The following EMSY variants were observed in gnomAD, a reference collection of about 807,000 sequenced individuals.
The protein encoded by EMSY is BRCA2-interacting transcriptional repressor EMSY.
Under a neutral mutation model 134.6 loss-of-function variants are expected in EMSY, and 26 were observed. The observed-to-expected ratio is 0.19, with a 90% CI of 0.14 to 0.27. The LOEUF is 0.27. Among genes scored for constraint, EMSY ranks in the 10% least tolerant of loss-of-function variants. The probability of loss-of-function intolerance (pLI) is 1.00; values close to 1 mark genes in which losing one functional copy is unlikely to be tolerated. For missense variants in EMSY, 1,305 were observed against 1,611.4 expected, an observed-to-expected ratio of 0.81 and a Z score of 3.26; for synonymous variants, 579 against 577.8, an observed-to-expected ratio of 1.00 and a Z score of -0.03.
At chr11:76,481,623 G>A (rs776534672) in intron 8 of EMSY, among the ~76,000 whole-genome samples, 1 of 152,218 alleles carries the variant, frequency 6.6e-6, no homozygotes, top group Non-Finnish European at 1.5e-5. Flanking sequence ...TATAAAGAAA[G>A]CCACCAGGAA....
At chr11:76,458,390 T>C in intron 5 of EMSY, 32 bp downstream of exon 6, 1 of 1,509,152 alleles carries the variant, frequency 6.6e-7, no homozygotes, top group Non-Finnish European at 8.9e-7. Context: ...TGTTAGAGAT[T>C]ACTTTTCTTA....
chr11:76,511,249 G>A (rs1305947813), intron 9 of EMSY, among the ~76,000 whole-genome samples: 1 of 151,690 alleles, frequency 6.6e-6, no homozygotes, highest in Non-Finnish European at 1.5e-5. Flanking sequence ...TCTTTTCTGG[G>A]GTCAATATTG....
At position 76,482,765 on chromosome 11, in the gene EMSY, C is replaced by G. The variant is rs1395488256; in HGVS notation, c.1108+9925C>G. ...TATGGGACTATGTGAAAAGACCAAA[C>G]CTGCGTTTGATTGGTTTACCTGAAA... On this transcript the variant is annotated intron_variant, in intron 8 of 20. Coordinates refer to ENST00000334736, the Ensembl canonical transcript of EMSY. Among the ~76,000 whole-genome samples the G allele has an allele frequency of 2.6e-5, 4 of 152,230 alleles. No individual in the cohort carries two copies. The South Asian group carries it at 8.3e-4, about 32-fold the overall frequency.
chr11:76,493,778 G>C (rs1949517968), intron 8 of EMSY, among the ~76,000 whole-genome samples: 1 of 152,188 alleles, frequency 6.6e-6, no homozygotes, highest in Non-Finnish European at 1.5e-5. Context: ...CCAGTTGTCC[G>C]AGTACTTCAT....
exon 21 of EMSY, chr11:76,550,920 C>T (rs1951819361): frequency 1.3e-5 from 2 of 152,644 alleles, no homozygotes; most frequent in Non-Finnish European, 2.9e-5. Flanking sequence ...TTCCCTCTTC[C>T]TTTAAGAAAA....
At chr11:76,525,431 C>T (rs1197744967) in intron 12 of EMSY, among the ~76,000 whole-genome samples, 1 of 152,148 alleles carries the variant, frequency 6.6e-6, no homozygotes, top group East Asian at 1.9e-4. Context: ...TTTTTACTGG[C>T]TGCTAAGTTT....
intron 12 of EMSY, among the ~76,000 whole-genome samples, chr11:76,524,178 C>T (rs1031978772): frequency 2.6e-5 from 4 of 152,174 alleles, no homozygotes; most frequent in Non-Finnish European, 5.9e-5. Context: ...GGGTGACATA[C>T]TCAACCTCTC....
intron 8 of EMSY, among the ~76,000 whole-genome samples, chr11:76,494,654 CCTTCCTTCCTTCCTTCCTTCCTTCCTT>C (rs1949558654): frequency 1.9e-3 from 4 of 2,102 alleles, no homozygotes; most frequent in African/African-American, 2.2e-3. Context: ...CCTTTCCCTT[CCTTCCTTCCTTCCTTCCTTCCTTCCTT>C]CCTTCCTTCC....
At chr11:76,536,716 A>C (rs1483693609) in intron 15 of EMSY, among the ~76,000 whole-genome samples, 1 of 152,322 alleles carries the variant, frequency 6.6e-6, no homozygotes, top group Non-Finnish European at 1.5e-5. Flanking sequence ...AGATTTTCAG[A>C]GTATTTAAAT....
chr11:76,532,575 A>G (rs956505825), intron 14 of EMSY, among the ~76,000 whole-genome samples: 1 of 152,106 alleles, frequency 6.6e-6, no homozygotes, highest in Non-Finnish European at 1.5e-5. Context: ...GGAATGGGGT[A>G]GCCTAGAACG....
chr11:76,488,122 T>C (rs184195798), intron 8 of EMSY, among the ~76,000 whole-genome samples: 30 of 152,386 alleles, frequency 2.0e-4, no homozygotes, highest in African/African-American at 7.2e-4. Flanking sequence ...TTAATGTCTT[T>C]GTTTCAGTGA....
At chr11:76,464,207 CTTTG>C in intron 7 of EMSY, 127 bp downstream of exon 8, 1 of 1,193,336 alleles carries the variant, frequency 8.4e-7, no homozygotes, top group Non-Finnish European at 1.2e-6. Context: ...ACATCTTTTA[CTTTG>C]TTTAATTTTC....
chr11:76,478,993 T>C (rs530879675), intron 8 of EMSY, among the ~76,000 whole-genome samples: 1 of 152,158 alleles, frequency 6.6e-6, no homozygotes, highest in Admixed American at 6.5e-5. Context: ...AATTTTTTTG[T>C]AGAGTTTACT....
At chr11:76,534,291 TATA>T (rs1172864075) in intron 14 of EMSY, among the ~76,000 whole-genome samples, 6 of 152,192 alleles carry the variant, frequency 3.9e-5, no homozygotes, top group African/African-American at 1.4e-4. Flanking sequence ...GGTTTCATAA[TATA>T]ATCAATTCTC....
At position 76,523,240 on chromosome 11, in the gene EMSY, C is replaced by T. The variant is rs1950710726; in HGVS notation, c.1770C>T (p.Thr590=). 3 of 1,613,700 alleles carry T rather than the reference C, an allele frequency of 1.9e-6. No homozygotes were observed. The Admixed American group carries it at 5.0e-5, about 27-fold the overall frequency. ...AAAAGACTACAGGAAAAGGAACGAC[C>T]ATTCAAGGCCTCCCGGGCAAAAATG... The change falls in exon 12 of 21, where the codon ACC becomes ACT. Residue 590 remains threonine (T), a synonymous_variant. Transcript: ENST00000334736.
At chr11:76,455,495 G>A (rs1947833898) in intron 4 of EMSY, among the ~76,000 whole-genome samples, 3 of 151,942 alleles carry the variant, frequency 2.0e-5, no homozygotes, top group Admixed American at 2.0e-4. Context: ...CATACTCCAA[G>A]CCTAGAAAAA....
At chr11:76,500,006 G>A (rs1949798598) in intron 9 of EMSY, among the ~76,000 whole-genome samples, 1 of 149,432 alleles carries the variant, frequency 6.7e-6, no homozygotes, top group African/African-American at 2.5e-5. Context: ...GAGCCCAGAA[G>A]TTTGAGGTTG....
intron 11 of EMSY, chr11:76,516,775 C>T (rs1950464367): frequency 1.3e-5 from 2 of 152,148 alleles, no homozygotes; most frequent in Non-Finnish European, 2.9e-5. Flanking sequence ...TTTTAGGGAA[C>T]ATATCTCATA....
intron 11 of EMSY, among the ~76,000 whole-genome samples, chr11:76,518,383 G>A (rs1372525726): frequency 6.6e-6 from 1 of 151,210 alleles, no homozygotes; most frequent in East Asian, 1.9e-4. Flanking sequence ...ACCCAGGCTG[G>A]TCTCAAACTC....
Sources: gnomAD v4.1 joint callset for allele counts (sites outside exome capture counted in the v4.1 genomes callset) on GRCh38, gnomAD v4.1.1 for gene constraint, MANE v1.5 for transcripts, NCBI Gene and HGNC (gene_info 2026-07-23, HGNC 2026-07-21) for gene names.